Variants in ZBTB44 observed in about 807,000 individuals in gnomAD.
ZBTB44 encodes zinc finger and BTB domain-containing protein 44.
Under a neutral mutation model 54.0 loss-of-function variants are expected in ZBTB44, and 15 were observed. The observed-to-expected ratio is 0.28, with a 90% CI of 0.19 to 0.43. ZBTB44 has a LOEUF of 0.43. Ranked by LOEUF, ZBTB44 falls within the 20% of genes least tolerant of loss-of-function variation. The pLI is 1.00. For synonymous variants in ZBTB44, 230 were observed against 250.1 expected, an observed-to-expected ratio of 0.92 and a Z score of 0.76; for missense variants, 487 against 707.1, an observed-to-expected ratio of 0.69 and a Z score of 3.53.
chr11:130,304,459 G>A (rs1942159257), intron 1 of ZBTB44, among the ~76,000 whole-genome samples: 1 of 152,136 alleles, frequency 6.6e-6, no homozygotes, highest in Non-Finnish European at 1.5e-5. Flanking sequence ...CTTTACAACA[G>A]TCTTTAATGC....
At chr11:130,271,315 T>C (rs1939654492) in intron 1 of ZBTB44, among the ~76,000 whole-genome samples, 1 of 152,206 alleles carries the variant, frequency 6.6e-6, no homozygotes, top group Non-Finnish European at 1.5e-5. Flanking sequence ...GAATGGCTTC[T>C]AAATTCCATT....
chr11:130,279,329 G>C lies in ZBTB44; in HGVS notation c.-56-17400C>G, dbSNP rs1027818296. On this transcript the variant is annotated intron_variant, in intron 1 of 7. Transcript: ENST00000357899. ...TATTTAAAAAAAAAAAAAAAAAAAA[G>C]CCCTGGGTTTATATTCTACAAATTA... Among the ~76,000 whole-genome samples the C allele has an allele frequency of 1.5e-4, 19 of 129,398 alleles. No homozygotes were observed. In the South Asian group the frequency reaches 4.6e-3, roughly 32 times the overall value. The allele number at this position is 129,398 out of a possible 152,430, so 84.9% of individuals were successfully genotyped here.
At chr11:130,301,151 G>C (rs186583309) in intron 1 of ZBTB44, among the ~76,000 whole-genome samples, 1 of 152,172 alleles carries the variant, frequency 6.6e-6, no homozygotes. Flanking sequence ...TGAGTGAAAG[G>C]ATTAGCCTTA....
chr11:130,305,461 C>T (rs1942215476), intron 1 of ZBTB44, among the ~76,000 whole-genome samples: 1 of 152,168 alleles, frequency 6.6e-6, no homozygotes, highest in African/African-American at 2.4e-5. Flanking sequence ...CAAATACTTA[C>T]AGCCAACTGG....
chr11:130,235,977 AAAAAG>A (rs1209486062), intron 5 of ZBTB44: 12 of 894,608 alleles, frequency 1.3e-5, no homozygotes, highest in Non-Finnish European at 1.7e-5. Context: ...CAAAAAAAAA[AAAAAG>A]AAAGATTTGT....
chr11:130,290,939 A>C (rs964420552), intron 1 of ZBTB44, among the ~76,000 whole-genome samples: 1 of 152,136 alleles, frequency 6.6e-6, no homozygotes, highest in Non-Finnish European at 1.5e-5. Flanking sequence ...TTAGGCTGCT[A>C]TCTCTCCCTC....
At chr11:130,248,988 C>T (rs1937762813) in intron 2 of ZBTB44, among the ~76,000 whole-genome samples, 1 of 152,038 alleles carries the variant, frequency 6.6e-6, no homozygotes, top group Admixed American at 6.6e-5. Context: ...CCTGCAGTCC[C>T]AGCTACTTGG....
At chr11:130,249,912 C>G (rs967228665) in intron 2 of ZBTB44, among the ~76,000 whole-genome samples, 2 of 152,160 alleles carry the variant, frequency 1.3e-5, no homozygotes, top group African/African-American at 4.8e-5. Context: ...GAACCATTCA[C>G]AGAACCTTTG....
chr11:130,258,230 T>C (rs994368709), intron 2 of ZBTB44, among the ~76,000 whole-genome samples: 1 of 152,236 alleles, frequency 6.6e-6, no homozygotes, highest in African/African-American at 2.4e-5. Flanking sequence ...CAATGGAATA[T>C]AATAAAGTGT....
chr11:130,236,748 T>G, intron 5 of ZBTB44, 45 bp downstream of exon 5: 1 of 1,326,448 alleles, frequency 7.5e-7, no homozygotes. Flanking sequence ...GAAAAGAGAG[T>G]TTAGAAAGCA....
At position 130,294,538 on chromosome 11, in the gene ZBTB44, CAAAAAAAAAAAAAAAA is replaced by C. The variant is rs11322495; in HGVS notation, c.-57+19821_-57+19836del. Among the ~76,000 whole-genome samples, 30 of 48,666 alleles carry C rather than the reference CAAAAAAAAAAAAAAAA, an allele frequency of 6.2e-4. 1 individual carries two copies. In the South Asian group the frequency reaches 0.018, roughly 29 times the overall value. 31.9% of individuals were successfully genotyped at this position (48,666 alleles called of 152,430 possible). A position where few individuals can be genotyped will look rare whatever the true frequency, so the allele number is the denominator to read the frequency against. ...GGATTTACACAAAGGTCTATATGAC[CAAAAAAAAAAAAAAAA>C]AAAAAAAAAAAAAAATCTTCAATTC... On this transcript the variant is annotated intron_variant, in intron 1 of 7. Coordinates refer to ENST00000357899, the MANE Select transcript of ZBTB44 (RefSeq NM_001301098.2).
intron 1 of ZBTB44, among the ~76,000 whole-genome samples, chr11:130,271,619 G>A (rs895629838): frequency 6.6e-6 from 1 of 152,056 alleles, no homozygotes; most frequent in African/African-American, 2.4e-5. Flanking sequence ...TGGACGTTTG[G>A]GGCTCACTTC....
chr11:130,308,336 G>GTGAC (rs1942394242), intron 1 of ZBTB44, among the ~76,000 whole-genome samples: 1 of 152,206 alleles, frequency 6.6e-6, no homozygotes, highest in South Asian at 2.1e-4. Flanking sequence ...CGTATTCATG[G>GTGAC]TGACTGAAAA....
chr11:130,267,982 A>C (rs2134171410), intron 1 of ZBTB44, among the ~76,000 whole-genome samples: 1 of 151,776 alleles, frequency 6.6e-6, no homozygotes, highest in Non-Finnish European at 1.5e-5. Flanking sequence ...CTGAGGCAGA[A>C]CTGCTTGAAC....
intron 2 of ZBTB44, among the ~76,000 whole-genome samples, chr11:130,250,322 G>A (rs147029818): frequency 3.7e-3 from 570 of 152,332 alleles, no homozygotes; most frequent in Middle Eastern, 6.8e-3. Context: ...GAGAAGGGGC[G>A]GCTGTGGGCG....
intron 1 of ZBTB44, among the ~76,000 whole-genome samples, chr11:130,267,718 G>A (rs1332224770): frequency 6.6e-6 from 1 of 152,104 alleles, no homozygotes; most frequent in African/African-American, 2.4e-5. Flanking sequence ...GATTTTGAAA[G>A]AAGTCCTTCT....
Position 130,261,266 on chromosome 11 carries a change from C to A in ZBTB44, c.608G>T (p.Ser203Ile), listed in dbSNP as rs372022532. 3 of 1,613,784 alleles carry A rather than the reference C, an allele frequency of 1.9e-6. No individual in the cohort carries two copies. The highest frequency in any genetic ancestry group is 2.5e-6 in the Non-Finnish European group (3 of 1,179,888). The change falls in exon 2 of 8, where the codon AGC becomes ATC. Residue 203 changes from serine (S) to isoleucine (I), a missense_variant. Physicochemically the swap from Ser to Ile is moderately radical, Grantham distance 142. Transcript: ENST00000357899. This position sits in a 1 kb window ranked among gnomAD's most constrained non-coding sequence, Gnocchi z 4.8. The part of the protein sequence containing the change: ...ESPVKCGTQT[S>I]SPQVLNSSAS... ...TGAAGAATTCAATACCTGGGGTGAGCTTGTTTGTGTGCCACACTTTACAGG... is the reference window on the plus strand; with the variant it reads ...TGAAGAATTCAATACCTGGGGTGAGATTGTTTGTGTGCCACACTTTACAGG...
intron 2 of ZBTB44, among the ~76,000 whole-genome samples, chr11:130,244,328 C>T (rs527379062): frequency 3.3e-5 from 5 of 152,158 alleles, no homozygotes; most frequent in South Asian, 2.1e-4. Flanking sequence ...CTGAGAATTT[C>T]GGTCTTTTAA....
chr11:130,291,223 C>T (rs1941287628), intron 1 of ZBTB44, among the ~76,000 whole-genome samples: 1 of 152,036 alleles, frequency 6.6e-6, no homozygotes, highest in South Asian at 2.1e-4. Flanking sequence ...GCTTGAACCT[C>T]TGCCTCCCGG....
Sources: allele counts gnomAD v4.1 joint callset (sites outside exome capture counted in the v4.1 genomes callset), GRCh38; gene constraint gnomAD v4.1.1; non-coding constraint Gnocchi (gnomAD v3.1); transcripts MANE v1.5; gene names NCBI Gene and HGNC (gene_info 2026-07-23, HGNC 2026-07-21).